WASHC2A: variants seen among roughly 807,000 people sequenced by gnomAD.
WASHC2A encodes the protein WASH complex subunit 2A, also known as WASH complex subunit FAM21A.
WASHC2A carries 82 observed loss-of-function variants against 140.3 expected under a neutral mutation model. That is an observed-to-expected ratio of 0.58 (90% CI 0.49 to 0.70). The LOEUF (loss-of-function observed/expected upper bound fraction) is 0.70. WASHC2A is among the 30% of genes least tolerant of loss of function. The pLI is 0.00. For missense variants in WASHC2A, 985 were observed against 1,521.8 expected (o/e 0.65, Z 5.87); for synonymous variants, 340 against 560.8 (o/e 0.61, Z 5.56).
rs1366105578 is a variant in WASHC2A, at chr10:50,109,174, G to A, written c.1870-927G>A. Among the ~76,000 whole-genome samples, 7 of 152,316 alleles carry A rather than the reference G, an allele frequency of 4.6e-5. No individual in the cohort carries two copies. The East Asian group carries it at 1.4e-3, about 29-fold the overall frequency. ...ATCTGCTGCTGGCTTGTGGACTCCA[G>A]TTTGATTTGCAAGACTCTAGACTCC... On this transcript the variant is annotated intron_variant, in intron 19 of 30. Coordinates refer to ENST00000282633, the MANE Select transcript of WASHC2A (RefSeq NM_001005751.3).
rs1340555368 is a variant in WASHC2A at position 50,083,029 on chromosome 10, G to A, written c.529-1043G>A. On this transcript the variant is annotated intron_variant, in intron 5 of 30. Transcript: ENST00000282633. ...TTTATTTATTTTGAGTCAGAGTTTCGCTCTTGTTGCCCAGGCTGGAGTGGA... is the reference window on the plus strand; with the variant it reads ...TTTATTTATTTTGAGTCAGAGTTTCACTCTTGTTGCCCAGGCTGGAGTGGA... 7.8e-5 allele frequency among the ~76,000 whole-genome samples: 9 copies of A among 115,148 alleles called. 1 individual carries two copies. The highest frequency in any genetic ancestry group is 1.6e-4 in the Non-Finnish European group (9 of 56,930). The allele number at this position is 115,148 out of a possible 152,430, so 75.5% of individuals were successfully genotyped here.
intron 11 of WASHC2A, 59 bp downstream of exon 11, chr10:50,092,292 T>C: frequency 1.0e-6 from 1 of 996,456 alleles, no homozygotes; most frequent in African/African-American, 1.6e-5. Flanking sequence ...GAATGTTGCT[T>C]ACATAATTCA....
At chr10:50,090,567 AT>A (rs1358434295) in intron 8 of WASHC2A, among the ~76,000 whole-genome samples, 4 of 144,864 alleles carry the variant, frequency 2.8e-5, no homozygotes, top group African/African-American at 5.0e-5. Context: ...TTTTATATAT[AT>A]TTTTATATAT....
chr10:50,102,968 G>A (rs1388564028), intron 17 of WASHC2A, among the ~76,000 whole-genome samples: 1 of 151,938 alleles, frequency 6.6e-6, no homozygotes, highest in Non-Finnish European at 1.5e-5. Context: ...CCGGGTTCAA[G>A]CAATTCTCCT....
rs1441686317 is a variant in WASHC2A, at chr10:50,091,662, G to A, written c.931+144G>A. 2.4e-4 allele frequency: 236 copies of A among 993,204 alleles called. 1 individual carries two copies. In the African/African-American group the frequency reaches 3.0e-3, roughly 13 times the overall value. 61.5% of individuals were successfully genotyped at this position (993,204 alleles called of 1,614,324 possible). On this transcript the variant is annotated intron_variant, in intron 10 of 30. Coordinates refer to ENST00000282633, the MANE Select transcript of WASHC2A (RefSeq NM_001005751.3). ...TGCTACATATAATTTAAATTGTAGC[G>A]CTTATTCCTTTTTTGGTTAATGAGC...
chr10:50,083,387 C>T lies in WASHC2A; in HGVS notation c.529-685C>T, dbSNP rs1267606180. On this transcript the variant is annotated intron_variant, in intron 5 of 30. Coordinates refer to ENST00000282633, the MANE Select transcript of WASHC2A (RefSeq NM_001005751.3). ...GACAGCTCACCAGAATGTTCAGTTT[C>T]TTTCCTTGGTCCTCCTCTTCTTGGA... is the stretch of plus-strand genomic sequence containing the variant. 7.9e-5 allele frequency among the ~76,000 whole-genome samples: 9 copies of T among 114,230 alleles called. 1 individual carries two copies. The highest frequency in any genetic ancestry group is 7.7e-4 in the Admixed American group (9 of 11,652). 74.9% of individuals were successfully genotyped at this position (114,230 alleles called of 152,430 possible).
chr10:50,123,078 A>G (rs1438399876), intron 23 of WASHC2A, among the ~76,000 whole-genome samples: 1 of 137,034 alleles, frequency 7.3e-6, no homozygotes, highest in Non-Finnish European at 1.5e-5. Context: ...ACCATAATAA[A>G]AAAAAAAAAA....
chr10:50,088,958 CTTTTTTTTTTTTT>C (rs1210204220), intron 8 of WASHC2A, among the ~76,000 whole-genome samples: 2 of 41,386 alleles, frequency 4.8e-5, no homozygotes, highest in East Asian at 4.4e-4. Flanking sequence ...TTTTTCTTTC[CTTTTTTTTTTTTT>C]TTTTTTTTTT....
chr10:50,117,638 G>C (rs1842773807), intron 21 of WASHC2A, among the ~76,000 whole-genome samples: 1 of 147,700 alleles, frequency 6.8e-6, no homozygotes, highest in Admixed American at 7.0e-5. Context: ...CAGAGATAAG[G>C]ATCTGAGGGA....
chr10:50,071,921 T>C (rs371641784), intron 3 of WASHC2A, among the ~76,000 whole-genome samples: 3 of 149,574 alleles, frequency 2.0e-5, no homozygotes, highest in African/African-American at 7.4e-5. Context: ...TTTTTTTTTT[T>C]CTTCCGAGAC....
At chr10:50,106,588 C>G in intron 19 of WASHC2A, 123 bp downstream of exon 19, 2 of 1,449,876 alleles carry the variant, frequency 1.4e-6, no homozygotes, top group Non-Finnish European at 1.9e-6. Flanking sequence ...AGGCGATGTT[C>G]ACAAGATTGT....
intron 2 of WASHC2A, 127 bp from the exon 3 acceptor site, chr10:50,069,420 A>G (rs1282034565): frequency 1.5e-6 from 2 of 1,357,684 alleles, no homozygotes; most frequent in Non-Finnish European, 1.9e-6. Context: ...CTCTCTCAAA[A>G]AAAAAAAAAG....
intron 7 of WASHC2A, among the ~76,000 whole-genome samples, chr10:50,086,319 C>T (rs1839370560): frequency 1.3e-5 from 2 of 150,970 alleles, no homozygotes; most frequent in African/African-American, 4.9e-5. Flanking sequence ...ATAACAAAAG[C>T]AGTGCTCATT....
At position 50,084,165 on chromosome 10, in the gene WASHC2A, G is replaced by A; in HGVS notation, c.622G>A (p.Glu208Lys). The part of the protein sequence containing the change: ...DVGLGELSSE[E>K]GSVGSDRGSI... Reference sequence around the variant, plus strand: ...AGGTCTTGGAGAGCTGTCCAGTGAAGGTACTTTTCTTCACCAAATAATTTT... The same window carrying A: ...AGGTCTTGGAGAGCTGTCCAGTGAAAGTACTTTTCTTCACCAAATAATTTT... The change falls in exon 6 of 31, where the codon GAA (glutamate) becomes AAA (lysine). Residue 208 changes from glutamate to lysine, a missense_variant and splice_region_variant. Transcript: ENST00000282633. 6.2e-7 allele frequency: 1 copy of A among 1,610,964 alleles called. No individual in the cohort carries two copies. The highest frequency in any genetic ancestry group is 8.5e-7 in the Non-Finnish European group (1 of 1,179,618).
intron 15 of WASHC2A, 47 bp downstream of exon 15, chr10:50,095,825 C>A: frequency 6.4e-7 from 1 of 1,559,434 alleles, no homozygotes. Flanking sequence ...AGAAAAAGAA[C>A]GTTGCCTAAA....
In WASHC2A at chr10:50,078,738, G is replaced by A. The variant is rs1278276543; in HGVS notation, c.354+1G>A. On this transcript the variant is annotated splice_donor_variant, in intron 4 of 30. Coordinates refer to ENST00000282633, the MANE Select transcript of WASHC2A (RefSeq NM_001005751.3). LOFTEE classifies it high-confidence loss of function. Reference sequence around the variant, plus strand: ...GGCTGAGGCAGAAAAAACAGAGCAGGTACTTGTATAAAATCACTCTTAGCT... The same window carrying A: ...GGCTGAGGCAGAAAAAACAGAGCAGATACTTGTATAAAATCACTCTTAGCT... The A allele has an allele frequency of 6.2e-7, 1 of 1,611,802 alleles. No homozygotes were observed. The highest frequency in any genetic ancestry group is 8.5e-7 in the Non-Finnish European group (1 of 1,179,828).
intron 27 of WASHC2A, 42 bp from the exon 28 acceptor site, chr10:50,127,541 T>A (rs1843543302): frequency 6.2e-7 from 1 of 1,607,342 alleles, no homozygotes; most frequent in Non-Finnish European, 8.5e-7. Context: ...AATAGACTGC[T>A]GTGTTGAAGA....
At position 50,095,155 on chromosome 10, in the gene WASHC2A, A is replaced by G. The variant is rs1306250557; in HGVS notation, c.1188A>G (p.Ser396=). ...CTTGCTTTCTCATTCTAGAGTCTTC[A>G]TCATCCAAACCTGGAAAGAAAATCC... ...QAGASVKEES[S]SSKPGKKIPA... The change falls in exon 14 of 31, where the codon TCA becomes TCG. Residue 396 remains serine (S), a synonymous_variant. Coordinates refer to ENST00000282633, the MANE Select transcript of WASHC2A (RefSeq NM_001005751.3). The G allele has an allele frequency of 6.3e-7, 1 of 1,582,480 alleles. No individual in the cohort carries two copies. Among genetic ancestry groups the G allele is most frequent in the Non-Finnish European group, 8.6e-7 (1 of 1,162,070 alleles).
At position 50,118,076 on chromosome 10, in the gene WASHC2A, G is replaced by A; in HGVS notation, c.2295+18G>A. ...CAGAAAAGGTGGACTTTTTTCTCTT[G>A]TATACTTGAATGCATTTGTCTCTCG... is the stretch of plus-strand genomic sequence containing the variant. On this transcript the variant is annotated intron_variant, in intron 22 of 30. Transcript: ENST00000282633. 6.2e-7 allele frequency: 1 copy of A among 1,607,404 alleles called. No individual in the cohort carries two copies. The highest frequency in any genetic ancestry group is 8.5e-7 in the Non-Finnish European group (1 of 1,177,036).
Sources: gnomAD v4.1 joint callset for allele counts (sites outside exome capture counted in the v4.1 genomes callset) on GRCh38, gnomAD v4.1.1 for gene constraint, MANE v1.5 for transcripts, NCBI Gene and HGNC (gene_info 2026-07-23, HGNC 2026-07-21) for gene names.